PLXNB3: variants seen among roughly 807,000 people sequenced by gnomAD.
The protein encoded by PLXNB3 is plexin-B3.
Under a neutral mutation model 125.7 loss-of-function variants are expected in PLXNB3, and 80 were observed. The ratio of observed to expected loss-of-function variants is 0.64; its 90% confidence interval spans 0.53 to 0.77. PLXNB3 has a LOEUF of 0.77. Ranked by LOEUF, PLXNB3 falls within the 30% of genes least tolerant of loss-of-function variation. The pLI is 0.00. For missense variants in PLXNB3, 1,836 were observed against 1,729.3 expected (o/e 1.06, Z -1.09); for synonymous variants, 954 against 783.3 (o/e 1.22, Z -3.64).
Position 153,776,362 on chromosome X carries a change from G to T in PLXNB3, c.4736G>T (p.Arg1579Leu), listed in dbSNP as rs1343910080. The T allele has an allele frequency of 3.4e-6, 4 of 1,189,166 alleles. No homozygotes were observed. The highest frequency in any genetic ancestry group is 4.5e-6 in the Non-Finnish European group (4 of 880,336). The change falls in exon 28 of 36, where the codon CGC becomes CTC. Residue 1579 changes from arginine (R) to leucine (L), a missense_variant. Arg to Leu is a moderately radical substitution (Grantham distance 102, BLOSUM62 -2). Transcript: ENST00000361971. ...PSVHALDLEW[R>L]SGLAGHLTLS... is the part of the protein sequence containing the mutation. ...CTTCCCTGACTCCCTCCAGAGTGGC[G>T]CTCAGGCCTGGCTGGTCACCTGACC...
Position 153,778,362 on chromosome X carries a change from G to T in PLXNB3, c.5475-34G>T, listed in dbSNP as rs1325248285. The T allele has an allele frequency of 5.8e-6, 7 of 1,206,816 alleles. No homozygotes were observed. The African/African-American group carries it at 8.7e-5, about 15-fold the overall frequency. ...AGGCATCGGGGCTGCGGGGAAGGGG[G>T]CTGCCCCACCCCTAACGAAGTCTGC... On this transcript the variant is annotated intron_variant, in intron 33 of 35. Transcript: ENST00000361971.
Position 153,776,460 on chromosome X carries a change from G to A in PLXNB3, c.4833+1G>A. On this transcript the variant is annotated splice_donor_variant, in intron 28 of 35. Transcript: ENST00000361971. LOFTEE classifies it high-confidence loss of function. Reference sequence around the variant, plus strand: ...ACTCAACACCTTGCAACACTACAAGGTGTGAGCAGGGACGGGGCGAGGCAG... The same window carrying A: ...ACTCAACACCTTGCAACACTACAAGATGTGAGCAGGGACGGGGCGAGGCAG... The A allele has an allele frequency of 1.0e-6, 1 of 993,973 alleles. No homozygotes were observed. Among genetic ancestry groups the A allele is most frequent in the Non-Finnish European group, 1.4e-6 (1 of 719,373 alleles). The allele number at this position is 993,973 out of a possible 1,213,427, so 81.9% of individuals were successfully genotyped here.
Position 153,767,157 on chromosome X carries a change from C to T in PLXNB3, c.330C>T (p.Ala110=). ...GTGACCCAGCCGAGTGCCCACAGGC[C>T]CAGCTCACTGACAATGCCAACCAGC... is the stretch of plus-strand genomic sequence containing the variant. ...PFRDPAECPQ[A]QLTDNANQLL... The change falls in exon 3 of 36, where the codon GCC becomes GCT. Residue 110 remains alanine, a synonymous_variant. Coordinates refer to ENST00000361971, the MANE Select transcript of PLXNB3 (RefSeq NM_005393.3). 1 of 1,208,511 alleles carries T rather than the reference C, an allele frequency of 8.3e-7. No individual in the cohort carries two copies. Among genetic ancestry groups the T allele is most frequent in the Non-Finnish European group, 1.1e-6 (1 of 894,365 alleles).
chrX:153,771,444 G>A, intron 13 of PLXNB3, 41 bp downstream of exon 13: 3 of 1,208,570 alleles, frequency 2.5e-6, no homozygotes, highest in South Asian at 1.8e-5. Flanking sequence ...CAGGGTGGGT[G>A]GCAGACAGGA....
intron 7 of PLXNB3, 65 bp downstream of exon 7, chrX:153,770,004 C>T: frequency 1.7e-6 from 2 of 1,188,735 alleles, no homozygotes; most frequent in Non-Finnish European, 2.3e-6. Context: ...ATGAACCCCG[C>T]CTGCCTCCCG....
intron 2 of PLXNB3, chrX:153,766,549 G>C (rs2091860429): frequency 4.8e-6 from 5 of 1,041,432 alleles, no homozygotes; most frequent in Non-Finnish European, 6.1e-6. Flanking sequence ...GGCTTTCCAG[G>C]ACCTGCCCCC....
chrX:153,765,473 C>A lies in PLXNB3; in HGVS notation c.-63C>A. 8.7e-7 allele frequency: 1 copy of A among 1,147,045 alleles called. No individual in the cohort carries two copies. Among genetic ancestry groups the A allele is most frequent in the Non-Finnish European group, 1.2e-6 (1 of 853,945 alleles). The allele number at this position is 1,147,045 out of a possible 1,213,427, so 94.5% of individuals were successfully genotyped here. On this transcript the variant is annotated splice_region_variant and 5_prime_UTR_variant, in exon 2 of 36. Transcript: ENST00000361971. ...TCGACTGTCTCCCTCCCACTCAGGA[C>A]AATGCCCCCCCGCAGCCATCTCATG...
rs782088396 is a variant in PLXNB3, at chrX:153,771,723, C to T, written c.2517+68C>T. The T allele has an allele frequency of 5.8e-5, 65 of 1,123,402 alleles. No homozygotes were observed. In the Admixed American group the frequency reaches 1.3e-3, roughly 23 times the overall value. 92.6% of individuals were successfully genotyped at this position (1,123,402 alleles called of 1,213,427 possible). ...TCCTGCCCCGCACTGTCCTGTCCTC[C>T]GTGATCAGACCAGCCCTGCCCCAGG... On this transcript the variant is annotated intron_variant, in intron 14 of 35. Coordinates refer to ENST00000361971, the MANE Select transcript of PLXNB3 (RefSeq NM_005393.3).
At position 153,778,087 on chromosome X, in the gene PLXNB3, G is replaced by A. The variant is rs1379068546; in HGVS notation, c.5401G>A (p.Val1801Met). The A allele has an allele frequency of 8.3e-7, 1 of 1,210,269 alleles. No individual in the cohort carries two copies. The highest frequency in any genetic ancestry group is 1.7e-5 in the African/African-American group (1 of 57,383). ...IDSCTTSEHK[V>M]GRDSPVNKLL... ...CTCCTGTACCACCTCGGAGCATAAAGTGGGCCGGGTGAGAGCAGTGCCAGC... is the reference window on the plus strand; with the variant it reads ...CTCCTGTACCACCTCGGAGCATAAAATGGGCCGGGTGAGAGCAGTGCCAGC... Residue 1801 changes from valine (V) to methionine (M), a missense_variant, in exon 32 of 36, where the codon GTG becomes ATG. By Grantham distance (21) the Val-to-Met change is conservative. Transcript: ENST00000361971.
intron 3 of PLXNB3, 54 bp from the exon 4 acceptor site, chrX:153,768,192 CCCT>C (rs2091881277): frequency 2.8e-6 from 3 of 1,089,199 alleles, no homozygotes; most frequent in East Asian, 3.1e-5. Context: ...TGGGTACCCC[CCCT>C]GACTGCCTCT....
At chrX:153,771,703 C>A (rs1210982164) in intron 14 of PLXNB3, 48 bp downstream of exon 14, 2 of 1,136,821 alleles carry the variant, frequency 1.8e-6, no homozygotes, top group Non-Finnish European at 2.3e-6. Context: ...ACTTCTCCTG[C>A]CCCGCACTGT....
intron 28 of PLXNB3, among the ~76,000 whole-genome samples, 143 bp from the exon 29 acceptor site, chrX:153,776,734 CAAGGCAGGGA>C (rs2091999167): frequency 2.1e-5 from 1 of 48,148 alleles, no homozygotes; most frequent in African/African-American, 9.2e-5. Context: ...CGGGGCGAGG[CAAGGCAGGGA>C]AGGGCAGGGA....
Position 153,779,223 on chromosome X carries a change from C to T in PLXNB3, c.*184C>T. On this transcript the variant is annotated 3_prime_UTR_variant, in exon 36 of 36. Transcript: ENST00000361971. ...CCTGCCAGCCCACCCACCTTCCCCC[C>T]ACCTGAGATTGTTTCTAATTTATAA... is the stretch of plus-strand genomic sequence containing the variant. 3.2e-6 allele frequency: 1 copy of T among 312,449 alleles called. No individual in the cohort carries two copies. The highest frequency in any genetic ancestry group is 4.7e-5 in the East Asian group (1 of 21,093). The allele number at this position is 312,449 out of a possible 1,213,427, so 25.7% of individuals were successfully genotyped here. A position where few individuals can be genotyped will look rare whatever the true frequency, so the allele number is the denominator to read the frequency against.
In PLXNB3 at chrX:153,773,660, G is replaced by T; in HGVS notation, c.3226G>T (p.Ala1076Ser). ...QDPQPRRSCG[A>S]PAADPQACIQ... Reference sequence around the variant, plus strand: ...CCCACAGCCAAGGAGGAGCTGTGGAGCCCCTGCTGCGGACCCCCAGGCTTG... The same window carrying T: ...CCCACAGCCAAGGAGGAGCTGTGGATCCCCTGCTGCGGACCCCCAGGCTTG... Residue 1076 changes from alanine (A) to serine (S), a missense_variant, in exon 19 of 36, where the codon GCC (alanine) becomes TCC (serine). Transcript: ENST00000361971. 8.5e-7 allele frequency: 1 copy of T among 1,180,483 alleles called. No homozygotes were observed. Among genetic ancestry groups the T allele is most frequent in the Non-Finnish European group, 1.1e-6 (1 of 880,489 alleles).
chrX:153,772,916 T>TGGGGCCCCCAGGCAG lies in PLXNB3; in HGVS notation c.2812_2826dup (p.Pro938_Gly942dup). Reference sequence around the variant, plus strand: ...TGTCCTGCTGAGCCTGAGTCCTCGCTGGGGCCCCCAGGCAGGGGGCACCCA... The same window carrying TGGGGCCCCCAGGCAG: ...TGTCCTGCTGAGCCTGAGTCCTCGCTGGGGCCCCCAGGCAGGGGGCCCCCAGGCAGGGGGCACCCA... On this transcript the variant is annotated inframe_insertion, in exon 17 of 36. Coordinates refer to ENST00000361971, the MANE Select transcript of PLXNB3 (RefSeq NM_005393.3). 8.6e-7 allele frequency: 1 copy of TGGGGCCCCCAGGCAG among 1,165,494 alleles called. No homozygotes were observed. Among genetic ancestry groups the TGGGGCCCCCAGGCAG allele is most frequent in the Non-Finnish European group, 1.1e-6 (1 of 877,515 alleles).
At position 153,769,086 on chromosome X, in the gene PLXNB3, A is replaced by G. The variant is rs1301388343; in HGVS notation, c.1395+10A>G. ...CCTGACTGCCCACCAGGTGAGGGCC[A>G]TCCTGGGGCTGAAGGGGCCAGCACA... On this transcript the variant is annotated intron_variant, in intron 5 of 35. Coordinates refer to ENST00000361971, the MANE Select transcript of PLXNB3 (RefSeq NM_005393.3). 8.3e-7 allele frequency: 1 copy of G among 1,207,146 alleles called. No homozygotes were observed.
At chrX:153,777,717 G>A (rs1557064990) in intron 31 of PLXNB3, 29 bp downstream of exon 31, 1 of 1,197,466 alleles carries the variant, frequency 8.4e-7, no homozygotes, top group Non-Finnish European at 1.1e-6. Context: ...CACCCCTGCT[G>A]TGCATATGGT....
intron 24 of PLXNB3, 49 bp from the exon 25 acceptor site, chrX:153,775,176 G>A: frequency 8.7e-7 from 1 of 1,153,809 alleles, no homozygotes; most frequent in Admixed American, 2.6e-5. Context: ...TGAGACAAAG[G>A]TGGGGGAGGA....
At position 153,770,337 on chromosome X, in the gene PLXNB3, G is replaced by A; in HGVS notation, c.1787-1G>A. Reference sequence around the variant, plus strand: ...GTCCTGCCCCCACTGTCCCCTCCCAGACCACGTCACTGTGCCCCTGGCCCT... The same window carrying A: ...GTCCTGCCCCCACTGTCCCCTCCCAAACCACGTCACTGTGCCCCTGGCCCT... On this transcript the variant is annotated splice_acceptor_variant, in intron 8 of 35. Coordinates refer to ENST00000361971, the MANE Select transcript of PLXNB3 (RefSeq NM_005393.3). LOFTEE classifies it high-confidence loss of function. 2 of 1,208,460 alleles carry A rather than the reference G, an allele frequency of 1.7e-6. No homozygotes were observed. The highest frequency in any genetic ancestry group is 2.2e-6 in the Non-Finnish European group (2 of 893,253).
Sources: gnomAD v4.1 joint callset for allele counts (sites outside exome capture counted in the v4.1 genomes callset) on GRCh38, gnomAD v4.1.1 for gene constraint, MANE v1.5 for transcripts, NCBI Gene and HGNC (gene_info 2026-07-23, HGNC 2026-07-21) for gene names.